Variants in COL6A3 observed in about 807,000 individuals in gnomAD.
The protein encoded by COL6A3 is collagen type VI alpha 3 chain.
COL6A3 carries 137 observed loss-of-function variants against 274.1 expected under a neutral mutation model. The ratio of observed to expected loss-of-function variants is 0.50; its 90% CI spans 0.44 to 0.58. The LOEUF (loss-of-function observed/expected upper bound fraction) is 0.58, where lower values mean the gene tolerates loss of function less well. Among genes scored for constraint, COL6A3 ranks in the 20% least tolerant of loss-of-function variants. COL6A3 has a pLI of 0.00. For missense variants in COL6A3, 3,950 were observed against 4,124.9 expected (o/e 0.96, Z 1.16); for synonymous variants, 1,650 against 1,650.6 (o/e 1.00, Z 0.01).
intron 23 of COL6A3, 194 bp downstream of exon 23, chr2:237,357,144 T>C (rs771796027): frequency 3.9e-5 from 28 of 713,640 alleles, no homozygotes; most frequent in South Asian, 6.4e-5. Context: ...AGAGCAAGAA[T>C]TGGGGAGAGA....
At chr2:237,358,030 C>A in intron 21 of COL6A3, 148 bp from the exon 22 acceptor site, 1 of 785,826 alleles carries the variant, frequency 1.3e-6, no homozygotes, top group Non-Finnish European at 2.3e-6. Flanking sequence ...CAGGTAACAT[C>A]CATGCAGGTC....
intron 31 of COL6A3, 86 bp from the exon 32 acceptor site, chr2:237,346,651 G>T: frequency 1.6e-6 from 2 of 1,236,590 alleles, no homozygotes; most frequent in Non-Finnish European, 2.4e-6. Context: ...CGGTAAAAGT[G>T]ATCTAACCCA....
chr2:237,395,240 A>G (rs1405858058), intron 2 of COL6A3, 36 bp from the exon 3 acceptor site: 4 of 1,609,096 alleles, frequency 2.5e-6, no homozygotes, highest in Admixed American at 1.7e-5. Context: ...TTTTTCTACT[A>G]TGTAAGCAAT....
rs771974295 is a variant in COL6A3, at chr2:237,341,011, G to C, written c.7905C>G (p.Phe2635Leu). Residue 2635 changes from phenylalanine (F) to leucine (L), a missense_variant, in exon 38 of 44, where the codon TTC (phenylalanine) becomes TTG (leucine). Transcript: ENST00000295550. Reference sequence around the variant, plus strand: ...ACGCTATGTACTTCTTCATCTCATTGAACTGGAACAGGGTGGTGGTCTCAG... The same window carrying C: ...ACGCTATGTACTTCTTCATCTCATTCAACTGGAACAGGGTGGTGGTCTCAG... The part of the protein sequence containing the change: ...DSAETTTLFQ[F>L]NEMKKYIAYL... 6.2e-7 allele frequency: 1 copy of C among 1,614,168 alleles called. No homozygotes were observed. Among genetic ancestry groups the C allele is most frequent in the South Asian group, 1.1e-5 (1 of 91,076 alleles).
rs918298983 is a variant in COL6A3, at chr2:237,360,286, C to T, written c.6211-127G>A. The T allele has an allele frequency of 6.5e-5, 62 of 957,410 alleles. 1 individual carries two copies. Among genetic ancestry groups the T allele is most frequent in the Admixed American group, 6.0e-5 (3 of 50,292 alleles). The allele number at this position is 957,410 out of a possible 1,614,324, so 59.3% of individuals were successfully genotyped here. On this transcript the variant is annotated intron_variant, in intron 16 of 43. Transcript: ENST00000295550. ...AGAAAGCAGATTTCACCATGGGGAA[C>T]GCCGATCGAGGCTACGTGAGCCAGG...
intron 42 of COL6A3, chr2:237,330,106 T>A (rs1574918517): frequency 6.6e-6 from 1 of 152,222 alleles, no homozygotes; most frequent in Non-Finnish European, 1.5e-5. Context: ...AAAAAGTAAA[T>A]TTTAAGTTAG....
chr2:237,376,571 T>A (rs993945393), intron 7 of COL6A3, among the ~76,000 whole-genome samples: 1 of 152,208 alleles, frequency 6.6e-6, no homozygotes, highest in Non-Finnish European at 1.5e-5. Context: ...CTCATTCTCC[T>A]GAGAGAGCAG....
chr2:237,369,198 A>C, intron 9 of COL6A3, 21 bp from the exon 10 acceptor site: 1 of 1,604,552 alleles, frequency 6.2e-7, no homozygotes, highest in Non-Finnish European at 8.5e-7. Context: ...AAGAAGAAAA[A>C]GGGAAACATT....
At position 237,411,462 on chromosome 2, in the gene COL6A3, T is replaced by C. The variant is rs567800166; in HGVS notation, c.-31+2491A>G. 2.6e-5 allele frequency among the ~76,000 whole-genome samples: 4 copies of C among 152,320 alleles called. No homozygotes were observed. In the South Asian group the frequency reaches 8.3e-4, roughly 32 times the overall value. On this transcript the variant is annotated intron_variant, in intron 1 of 43. Coordinates refer to ENST00000295550, the MANE Select transcript of COL6A3 (RefSeq NM_004369.4). ...TGAAACCTCGCTGGCAAAAAGTCACTGCCAGCTTCCAAAGCTTCCAAAGAA... is the reference window on the plus strand; with the variant it reads ...TGAAACCTCGCTGGCAAAAAGTCACCGCCAGCTTCCAAAGCTTCCAAAGAA...
intron 1 of COL6A3, among the ~76,000 whole-genome samples, chr2:237,405,364 G>A (rs1209865095): frequency 6.6e-6 from 1 of 151,962 alleles, no homozygotes; most frequent in African/African-American, 2.4e-5. Flanking sequence ...ATAAAAAAAC[G>A]AAATTCCCTG....
In COL6A3 at chr2:237,381,019, T is replaced by G; in HGVS notation, c.1793A>C (p.Asp598Ala). 1.2e-6 allele frequency: 2 copies of G among 1,613,312 alleles called. No homozygotes were observed. Among genetic ancestry groups the G allele is most frequent in the Non-Finnish European group, 8.5e-7 (1 of 1,179,820 alleles). The part of the protein sequence containing the change: ...DQAELEEIAF[D>A]SSLVFIPAEF... The stretch of plus-strand genomic sequence containing the variant: ...AGCTGGGATGAACACCAGGGAGGAG[T>G]CGAAAGCGATCTCTTCCAGCTCAGC... The change falls in exon 5 of 44, where the codon GAC (aspartate) becomes GCC (alanine). Residue 598 changes from aspartate to alanine, a missense_variant. Physicochemically the swap from Asp to Ala is moderately radical, Grantham distance 126. This residue lies in a region of COL6A3 where 1,934 missense variants were observed against 1,984.3 expected (regional missense o/e 0.97). Coordinates refer to ENST00000295550, the MANE Select transcript of COL6A3 (RefSeq NM_004369.4).
rs138333860 is a variant in COL6A3, at chr2:237,389,269, G to A, written c.710-1085C>T. ...GCCAGAGATTTCACAGCATCAGTTC[G>A]AATGTTTAAATTTGGCTGATTTAAA... On this transcript the variant is annotated intron_variant, in intron 3 of 43. Coordinates refer to ENST00000295550, the MANE Select transcript of COL6A3 (RefSeq NM_004369.4). Among the ~76,000 whole-genome samples the A allele has an allele frequency of 2.0e-4, 31 of 152,260 alleles. No homozygotes were observed. The East Asian group carries it at 5.4e-3, about 27-fold the overall frequency.
At chr2:237,356,481 C>T (rs1184243544) in intron 23 of COL6A3, among the ~76,000 whole-genome samples, 1 of 152,116 alleles carries the variant, frequency 6.6e-6, no homozygotes, top group Non-Finnish European at 1.5e-5. Context: ...TTTGGTGAGT[C>T]GCTCCTTTTG....
intron 1 of COL6A3, among the ~76,000 whole-genome samples, chr2:237,403,960 T>C (rs1021285437): frequency 6.6e-6 from 1 of 151,820 alleles, no homozygotes; most frequent in East Asian, 1.9e-4. Context: ...CCTGAGTGTT[T>C]CTTCAAATAA....
chr2:237,365,783 C>T lies in COL6A3; in HGVS notation c.5753G>A (p.Arg1918His), dbSNP rs139230842. The T allele has an allele frequency of 5.6e-6, 9 of 1,614,060 alleles. No individual in the cohort carries two copies. Among genetic ancestry groups the T allele is most frequent in the African/African-American group, 1.3e-5 (1 of 74,926 alleles). ...CGTGAGGACGTAGGGGTGCTGGCTG[C>T]GCATGTTCCGGAACTTCTCGAGCAT... Reference protein sequence around the residue: ...PEMLEKFRNMRSQHPYVLTED... With the variant: ...PEMLEKFRNMHSQHPYVLTED... The change falls in exon 12 of 44, where the codon CGC becomes CAC. Residue 1918 changes from arginine to histidine, a missense_variant. Arg to His is a conservative substitution (Grantham distance 29). Coordinates refer to ENST00000295550, the MANE Select transcript of COL6A3 (RefSeq NM_004369.4).
At chr2:237,389,736 T>C (rs1375390832) in intron 3 of COL6A3, among the ~76,000 whole-genome samples, 1 of 152,256 alleles carries the variant, frequency 6.6e-6, no homozygotes, top group African/African-American at 2.4e-5. Flanking sequence ...TGCAGATTAA[T>C]TCTTTGCATA....
At position 237,340,778 on chromosome 2, in the gene COL6A3, C is replaced by G; in HGVS notation, c.8138G>C (p.Arg2713Thr). 6.2e-7 allele frequency: 1 copy of G among 1,614,198 alleles called. No individual in the cohort carries two copies. The highest frequency in any genetic ancestry group is 8.5e-7 in the Non-Finnish European group (1 of 1,180,044). Residue 2713 changes from arginine to threonine, a missense_variant, in exon 38 of 44, where the codon AGG becomes ACG. Transcript: ENST00000295550. ...SRGMTQLQGT[R>T]ALGSAIEYTI... ...GTATTCAATGGCACTGCCTAAGGCC[C>G]TGGTTCCCTGCAACTGTGTCATTCC...
Position 237,369,157 on chromosome 2 carries a change from C to G in COL6A3, c.4306G>C (p.Asp1436His), listed in dbSNP as rs1168273415. 1.3e-5 allele frequency: 21 copies of G among 1,612,192 alleles called. No individual in the cohort carries two copies. The highest frequency in any genetic ancestry group is 1.7e-5 in the Non-Finnish European group (20 of 1,180,046). The change falls in exon 10 of 44, where the codon GAC (aspartate) becomes CAC (histidine). Residue 1436 changes from aspartate to histidine, a missense_variant. Coordinates refer to ENST00000295550, the MANE Select transcript of COL6A3 (RefSeq NM_004369.4). ...PPPAVESDAADIVFLIDSSEG... is the reference protein window; with the variant it reads ...PPPAVESDAAHIVFLIDSSEG... ...GAGCTGTCGATCAGAAAGACAATGT[C>G]TGCAGCATCACTCTCAACTGCTGCA...
At chr2:237,358,604 G>A (rs1488085507) in intron 20 of COL6A3, 21 bp from the exon 21 acceptor site, 4 of 1,605,078 alleles carry the variant, frequency 2.5e-6, no homozygotes, top group South Asian at 1.1e-5. Flanking sequence ...AGCACAAGTG[G>A]ATGCTAAAAA....
Sources: allele counts gnomAD v4.1 joint callset (sites outside exome capture counted in the v4.1 genomes callset), GRCh38; gene constraint gnomAD v4.1.1; regional missense constraint gnomAD v4.1.1; transcripts MANE v1.5; gene names NCBI Gene and HGNC (gene_info 2026-07-23, HGNC 2026-07-21).